PDZRN4: variants seen among roughly 807,000 people sequenced by gnomAD.
PDZRN4 encodes PDZ domain containing ring finger 4, also known as PDZ domain-containing RING finger protein 4.
A neutral mutation model predicts 99.0 loss-of-function variants in PDZRN4; 70 were observed. The observed-to-expected ratio is 0.71, with a 90% CI of 0.58 to 0.86. The LOEUF (loss-of-function observed/expected upper bound fraction) is 0.86, where lower values mean the gene tolerates loss of function less well. Ranked by LOEUF, PDZRN4 falls within the 40% of genes least tolerant of loss-of-function variation. The pLI is 0.00. For synonymous variants in PDZRN4, 551 were observed against 501.6 expected, an observed-to-expected ratio of 1.10 and a Z score of -1.32; for missense variants, 1,474 against 1,331.2, an observed-to-expected ratio of 1.11 and a Z score of -1.67.
At chr12:41,491,277 C>A (rs748347267) in intron 3 of PDZRN4, among the ~76,000 whole-genome samples, 6 of 152,086 alleles carry the variant, frequency 3.9e-5, no homozygotes, top group Non-Finnish European at 7.4e-5. Context: ...AATCCCAGCA[C>A]TTTGGGAGGC....
chr12:41,361,765 G>T (rs1164498684), intron 3 of PDZRN4, among the ~76,000 whole-genome samples: 1 of 152,004 alleles, frequency 6.6e-6, no homozygotes, highest in African/African-American at 2.4e-5. Context: ...CACAGGAAGG[G>T]ATCTGCACAG....
At chr12:41,195,977 T>C (rs1950769117) in intron 3 of PDZRN4, among the ~76,000 whole-genome samples, 1 of 152,148 alleles carries the variant, frequency 6.6e-6, no homozygotes, top group South Asian at 2.1e-4. Context: ...GAAATACGTA[T>C]TGGCAATTTA....
intron 3 of PDZRN4, among the ~76,000 whole-genome samples, chr12:41,459,535 G>C (rs1171418832): frequency 2.0e-5 from 3 of 152,170 alleles, no homozygotes. Flanking sequence ...GCCATTACCA[G>C]ACTTAGCCAT....
intron 3 of PDZRN4, among the ~76,000 whole-genome samples, chr12:41,394,167 G>A (rs1952229095): frequency 1.3e-5 from 2 of 152,206 alleles, no homozygotes. Context: ...TGGTGAGAGG[G>A]CTCTCTGGGG....
At chr12:41,424,483 C>T (rs529040444) in intron 3 of PDZRN4, among the ~76,000 whole-genome samples, 7 of 152,210 alleles carry the variant, frequency 4.6e-5, no homozygotes, top group South Asian at 2.1e-4. Flanking sequence ...TGCTAGATAA[C>T]GTTGCTATAT....
At chr12:41,435,018 C>G (rs749196540) in intron 3 of PDZRN4, among the ~76,000 whole-genome samples, 1 of 152,204 alleles carries the variant, frequency 6.6e-6, no homozygotes. Context: ...TTCCAAGTCA[C>G]TCTTCAGTTC....
chr12:41,231,686 A>G (rs1205612073), intron 3 of PDZRN4, among the ~76,000 whole-genome samples: 3 of 152,098 alleles, frequency 2.0e-5, no homozygotes. Flanking sequence ...TGAAGCTATT[A>G]TTTTATAGGG....
At chr12:41,469,699 A>AG (rs1223384458) in intron 3 of PDZRN4, among the ~76,000 whole-genome samples, 6 of 152,212 alleles carry the variant, frequency 3.9e-5, no homozygotes, top group Middle Eastern at 3.4e-3. Flanking sequence ...TGGGAGGCCG[A>AG]GGGGGGCCGA....
chr12:41,319,252 AGCTGCCTTT>A (rs1023052286), intron 3 of PDZRN4, among the ~76,000 whole-genome samples: 91 of 152,264 alleles, frequency 6.0e-4, no homozygotes, highest in African/African-American at 2.1e-3. Context: ...CTGTTGCTCC[AGCTGCCTTT>A]GATGCACCCC....
rs940155420 is a variant in PDZRN4, at chr12:41,233,709, G to A, written c.843+39521G>A. 3.3e-5 allele frequency among the ~76,000 whole-genome samples: 5 copies of A among 151,754 alleles called. No homozygotes were observed. The South Asian group carries it at 6.2e-4, about 19-fold the overall frequency. Reference sequence around the variant, plus strand: ...AAGGACAAAAAACCAAACACCGCATGTTCTCACTCATAGGTGGGAATTGAA... The same window carrying A: ...AAGGACAAAAAACCAAACACCGCATATTCTCACTCATAGGTGGGAATTGAA... On this transcript the variant is annotated intron_variant, in intron 3 of 9. Transcript: ENST00000402685.
intron 3 of PDZRN4, among the ~76,000 whole-genome samples, chr12:41,307,740 C>G (rs1248563779): frequency 1.3e-5 from 2 of 151,924 alleles, no homozygotes; most frequent in African/African-American, 4.8e-5. Flanking sequence ...GATATCCACT[C>G]TTGATTACAT....
chr12:41,188,964 G>C lies in PDZRN4; in HGVS notation c.509G>C (p.Arg170Pro). Residue 170 changes from arginine to proline, a missense_variant, in exon 1 of 10, where the codon CGC becomes CCC. Transcript: ENST00000402685. Reference protein sequence around the residue: ...PGPRVLAWRRREKALLAQLWA... With the variant: ...PGPRVLAWRRPEKALLAQLWA... ...CCTCGGGTCCTCGCCTGGAGGCGGC[G>C]CGAGAAGGCGCTGCTGGCGCAGCTC... 1 of 1,464,270 alleles carries C rather than the reference G, an allele frequency of 6.8e-7. No homozygotes were observed. Among genetic ancestry groups the C allele is most frequent in the South Asian group, 1.3e-5 (1 of 77,968 alleles). 90.7% of individuals were successfully genotyped at this position (1,464,270 alleles called of 1,614,324 possible).
chr12:41,507,523 C>T (rs1481839949), intron 4 of PDZRN4, among the ~76,000 whole-genome samples: 1 of 152,078 alleles, frequency 6.6e-6, no homozygotes, highest in Non-Finnish European at 1.5e-5. Context: ...TGAGTCATGC[C>T]ACTTTCCTGC....
At chr12:41,409,364 G>C (rs1481969623) in intron 3 of PDZRN4, 1 of 152,030 alleles carries the variant, frequency 6.6e-6, no homozygotes, top group African/African-American at 2.4e-5. Flanking sequence ...AAGAAAACAA[G>C]GTATCTATCC....
intron 4 of PDZRN4, among the ~76,000 whole-genome samples, chr12:41,508,122 T>C (rs1565601704): frequency 6.6e-6 from 1 of 152,144 alleles, no homozygotes; most frequent in South Asian, 2.1e-4. Flanking sequence ...GGGAGTACAT[T>C]ATATTATCAA....
intron 3 of PDZRN4, among the ~76,000 whole-genome samples, chr12:41,484,130 C>T (rs76640867): frequency 0.017 from 2,594 of 152,184 alleles, 76 homozygotes; most frequent in East Asian, 0.13. Flanking sequence ...TGATCTCTAT[C>T]ACACAGAGAA....
chr12:41,227,092 A>G (rs1258888211), intron 3 of PDZRN4, among the ~76,000 whole-genome samples: 2 of 152,188 alleles, frequency 1.3e-5, no homozygotes, highest in Admixed American at 6.5e-5. Flanking sequence ...ACATATTTAG[A>G]ATAATAGCCA....
intron 3 of PDZRN4, among the ~76,000 whole-genome samples, chr12:41,218,902 T>C (rs1462174448): frequency 6.6e-6 from 1 of 151,308 alleles, no homozygotes; most frequent in East Asian, 1.9e-4. Flanking sequence ...TACATTATTA[T>C]TCCAATAGCT....
At chr12:41,401,272 C>G (rs1291560533) in intron 3 of PDZRN4, among the ~76,000 whole-genome samples, 4 of 152,128 alleles carry the variant, frequency 2.6e-5, no homozygotes, top group African/African-American at 9.7e-5. Flanking sequence ...TTCCCTCATT[C>G]AGGAAACAAT....
Sources: gnomAD v4.1 joint callset for allele counts (sites outside exome capture counted in the v4.1 genomes callset) on GRCh38, gnomAD v4.1.1 for gene constraint, MANE v1.5 for transcripts, NCBI Gene and HGNC (gene_info 2026-07-23, HGNC 2026-07-21) for gene names.